PRKCSH: variants seen among roughly 807,000 people sequenced by gnomAD.
PRKCSH encodes glucosidase 2 subunit beta.
Under a neutral mutation model 79.7 loss-of-function variants are expected in PRKCSH, and 42 were observed. The ratio of observed to expected loss-of-function variants is 0.53; its 90% CI spans 0.41 to 0.68. The LOEUF (loss-of-function observed/expected upper bound fraction) is 0.68. Ranked by LOEUF, PRKCSH falls within the 30% of genes least tolerant of loss-of-function variation. The pLI, the probability that PRKCSH is intolerant of heterozygous loss-of-function variation, is 0.00. For synonymous variants in PRKCSH, 325 were observed against 288.2 expected (o/e 1.13, Z -1.29); for missense variants, 686 against 709.0 (o/e 0.97, Z 0.37).
At chr19:11,439,971 G>A (rs1169529848) in intron 5 of PRKCSH, among the ~76,000 whole-genome samples, 1 of 151,692 alleles carries the variant, frequency 6.6e-6, no homozygotes, top group Non-Finnish European at 1.5e-5. Flanking sequence ...TGTAGTCGCA[G>A]GTACTCAGGA....
intron 7 of PRKCSH, among the ~76,000 whole-genome samples, chr19:11,442,785 T>C (rs1268378637): frequency 6.6e-6 from 1 of 152,222 alleles, no homozygotes; most frequent in Non-Finnish European, 1.5e-5. Flanking sequence ...CACTGCAACC[T>C]CTGCCTCCCA....
rs772980758 is a variant in PRKCSH, at chr19:11,445,521, T to C, written c.683+48T>C. ...TGCCCACCTTTCCGTGGGCCTGGGT[T>C]TCCCTCCCCGCCACCCTCGCCTCTA... is the stretch of plus-strand genomic sequence containing the variant. On this transcript the variant is annotated intron_variant, in intron 8 of 17. Coordinates refer to ENST00000677123, the MANE Select transcript of PRKCSH (RefSeq NM_001289104.2). 5 of 1,582,054 alleles carry C rather than the reference T, an allele frequency of 3.2e-6. No homozygotes were observed. The African/African-American group carries it at 5.4e-5, about 17-fold the overall frequency.
intron 3 of PRKCSH, among the ~76,000 whole-genome samples, chr19:11,436,978 C>T (rs180823184): frequency 6.6e-6 from 1 of 152,242 alleles, no homozygotes; most frequent in Non-Finnish European, 1.5e-5. Flanking sequence ...CTGCCTTGGC[C>T]TCCCAAAGTG....
intron 2 of PRKCSH, 49 bp from the exon 3 acceptor site, chr19:11,436,340 G>A (rs1327952337): frequency 6.3e-6 from 10 of 1,590,000 alleles, no homozygotes; most frequent in Non-Finnish European, 6.9e-6. Flanking sequence ...GTGGTATTTG[G>A]TGGAGAAGGC....
rs749122672 is a variant in PRKCSH at position 11,449,004 on chromosome 19, T to G, written c.1361+16T>G. On this transcript the variant is annotated intron_variant, in intron 15 of 17. Transcript: ENST00000677123. This position sits in a 1 kb window ranked among gnomAD's most constrained non-coding sequence, Gnocchi z 6.4. ...CCAGCCTTGGGTGAGTGGCTTGGGC[T>G]GGCCCCTTCCCTCTGCCTCCTCCTG... 3 of 1,613,366 alleles carry G rather than the reference T, an allele frequency of 1.9e-6. No homozygotes were observed. The highest frequency in any genetic ancestry group is 2.5e-6 in the Non-Finnish European group (3 of 1,179,990).
chr19:11,441,235 C>G lies in PRKCSH; in HGVS notation c.351-5C>G, dbSNP rs76485217. 2 of 1,612,418 alleles carry G rather than the reference C, an allele frequency of 1.2e-6. No homozygotes were observed. The highest frequency in any genetic ancestry group is 1.3e-5 in the African/African-American group (1 of 74,974). On this transcript the variant is annotated splice_region_variant and splice_polypyrimidine_tract_variant and intron_variant, in intron 5 of 17. Coordinates refer to ENST00000677123, the MANE Select transcript of PRKCSH (RefSeq NM_001289104.2). ...TGGTGGTGCCTGTGTGTCTCCGCAC[C>G]GCAGAGAGAAGGGCCGTAAGGAGAG...
Position 11,445,432 on chromosome 19 carries a change from G to T in PRKCSH, c.642G>T (p.Ala214=), listed in dbSNP as rs765659105. The change falls in exon 8 of 18, where the codon GCG becomes GCT. Residue 214 remains alanine, a synonymous_variant. Coordinates refer to ENST00000677123, the MANE Select transcript of PRKCSH (RefSeq NM_001289104.2). The stretch of plus-strand genomic sequence containing the variant: ...AGGCCCAACAGGAGCAGGAGCTGGC[G>T]GCTGATGCCTTCAAGGAGCTGGATG... ...AAKAQQEQEL[A]ADAFKELDDD... 5.0e-6 allele frequency: 8 copies of T among 1,613,958 alleles called. No homozygotes were observed. Among genetic ancestry groups the T allele is most frequent in the Non-Finnish European group, 6.8e-6 (8 of 1,180,042 alleles).
At chr19:11,442,792 C>T (rs1452254969) in intron 7 of PRKCSH, among the ~76,000 whole-genome samples, 2 of 152,174 alleles carry the variant, frequency 1.3e-5, no homozygotes, top group East Asian at 3.9e-4. Flanking sequence ...ACCTCTGCCT[C>T]CCAGGTTCAA....
chr19:11,450,470 C>G (rs1207707847), intron 17 of PRKCSH, 176 bp from the exon 18 acceptor site: 5 of 145,802 alleles, frequency 3.4e-5, no homozygotes, highest in Non-Finnish European at 6.0e-5. Context: ...CAGAGTGAGA[C>G]TCTCAAAAAA....
In PRKCSH at chr19:11,438,232, T is replaced by TG. The variant is rs1337884778; in HGVS notation, c.350+109dup. 5.6e-6 allele frequency: 7 copies of TG among 1,254,332 alleles called. No individual in the cohort carries two copies. The African/African-American group carries it at 1.0e-4, about 19-fold the overall frequency. The allele number at this position is 1,254,332 out of a possible 1,614,324, so 77.7% of individuals were successfully genotyped here. On this transcript the variant is annotated intron_variant, in intron 5 of 17. Transcript: ENST00000677123. The stretch of plus-strand genomic sequence containing the variant: ...TTCTGCTTTTCTGTATCGGGTTCTC[T>TG]GTCTGTGCCAGGTGCCTTGTGAATC...
intron 7 of PRKCSH, among the ~76,000 whole-genome samples, chr19:11,444,010 A>G (rs961389699): frequency 6.6e-6 from 1 of 152,172 alleles, no homozygotes; most frequent in Non-Finnish European, 1.5e-5. Flanking sequence ...TCCTGACCTC[A>G]GGTGGCCTGC....
intron 3 of PRKCSH, chr19:11,436,819 C>G (rs1195263344): frequency 5.1e-6 from 2 of 393,634 alleles, no homozygotes; most frequent in African/African-American, 2.1e-5. Context: ...CAAGAGCAAT[C>G]CAGCAGGAGA....
At chr19:11,445,687 A>T (rs1196984632) in intron 8 of PRKCSH, 5 of 625,120 alleles carry the variant, frequency 8.0e-6, no homozygotes, top group Non-Finnish European at 1.5e-5. Flanking sequence ...CCCTCTCCCC[A>T]GGAGCTGGGC....
chr19:11,439,268 G>A (rs988483128), intron 5 of PRKCSH, among the ~76,000 whole-genome samples: 1 of 152,014 alleles, frequency 6.6e-6, no homozygotes, highest in African/African-American at 2.4e-5. Flanking sequence ...CGCATTACCT[G>A]TCTGATATGA....
chr19:11,447,137 A>T lies in PRKCSH; in HGVS notation c.826A>T (p.Ile276Phe). ...TTTCTACGACCGCGTCTGGGCCGCC[A>T]TCAGGGACAAGTACCGGTCCGAGGT... ...TSFYDRVWAA[I>F]RDKYRSEALP... Residue 276 changes from isoleucine to phenylalanine, a missense_variant, in exon 10 of 18, where the codon ATC becomes TTC. By Grantham distance (21) the Ile-to-Phe change is conservative. Transcript: ENST00000677123. This position sits in a 1 kb window ranked among gnomAD's most constrained non-coding sequence, Gnocchi z 5.6. 6.2e-6 allele frequency: 10 copies of T among 1,613,880 alleles called. No homozygotes were observed. The highest frequency in any genetic ancestry group is 8.5e-6 in the Non-Finnish European group (10 of 1,179,860).
Position 11,442,507 on chromosome 19 carries a change from T to G in PRKCSH, c.590T>G (p.Leu197Arg). 6.2e-7 allele frequency: 1 copy of G among 1,610,752 alleles called. No individual in the cohort carries two copies. The highest frequency in any genetic ancestry group is 8.5e-7 in the Non-Finnish European group (1 of 1,178,996). Residue 197 changes from leucine (L) to arginine (R), a missense_variant, in exon 7 of 18, where the codon CTG (leucine) becomes CGG (arginine). Leu to Arg is a moderately radical substitution (Grantham distance 102). Transcript: ENST00000677123. ...EREAKEQHQK[L>R]WEEQLAAAKA... is the part of the protein sequence containing the mutation. ...GAGGCCAAAGAGCAGCACCAGAAGCTGTGGGAAGGTATGGCAGAAATGGCC... is the reference window on the plus strand; with the variant it reads ...GAGGCCAAAGAGCAGCACCAGAAGCGGTGGGAAGGTATGGCAGAAATGGCC...
rs369319941 is a variant in PRKCSH at position 11,446,985 on chromosome 19, G to A, written c.763-89G>A. ...TCAGGGCCCGGGGCCCAGCCCTCCCGTGCCTGGCACCGCAGCCCGGGTGCC... is the reference window on the plus strand; with the variant it reads ...TCAGGGCCCGGGGCCCAGCCCTCCCATGCCTGGCACCGCAGCCCGGGTGCC... On this transcript the variant is annotated intron_variant, in intron 9 of 17. Coordinates refer to ENST00000677123, the MANE Select transcript of PRKCSH (RefSeq NM_001289104.2). 830 of 1,409,566 alleles carry A rather than the reference G, an allele frequency of 5.9e-4. 3 individuals carry two copies. The Middle Eastern group carries it at 9.9e-3, about 17-fold the overall frequency. 87.3% of individuals were successfully genotyped at this position (1,409,566 alleles called of 1,614,324 possible).
chr19:11,445,542 C>A, intron 8 of PRKCSH, 69 bp downstream of exon 8: 1 of 1,479,620 alleles, frequency 6.8e-7, no homozygotes. Context: ...CCACCCTCGC[C>A]TCTAGAAACC....
intron 8 of PRKCSH, 166 bp downstream of exon 8, chr19:11,445,639 A>C: frequency 1.4e-6 from 1 of 721,636 alleles, no homozygotes; most frequent in Admixed American, 2.0e-5. Flanking sequence ...GTGGATGGCC[A>C]GGTCCAGGAT....
Sources: gnomAD v4.1 joint callset for allele counts (sites outside exome capture counted in the v4.1 genomes callset) on GRCh38, gnomAD v4.1.1 for gene constraint, Gnocchi (gnomAD v3.1) non-coding constraint, MANE v1.5 for transcripts, NCBI Gene and HGNC (gene_info 2026-07-23, HGNC 2026-07-21) for gene names.